Variants in EPC1 observed in about 807,000 individuals in gnomAD.
EPC1 encodes enhancer of polycomb 1, also known as enhancer of polycomb homolog 1.
A neutral mutation model predicts 98.4 loss-of-function variants in EPC1; 12 were observed. That is an observed-to-expected ratio of 0.12 (90% CI 0.08 to 0.20). The LOEUF (loss-of-function observed/expected upper bound fraction) is 0.20. EPC1 is among the 10% of genes least tolerant of loss of function. The pLI is 1.00. For missense variants in EPC1, 729 were observed against 990.5 expected (o/e 0.74, Z 3.54); for synonymous variants, 357 against 363.9 (o/e 0.98, Z 0.21).
chr10:32,273,426 A>G, intron 10 of EPC1, 145 bp from the exon 11 acceptor site: 1 of 1,076,160 alleles, frequency 9.3e-7, no homozygotes, highest in Non-Finnish European at 1.3e-6. Context: ...ATCACTTCCA[A>G]ATGAAAATTT....
chr10:32,344,626 A>T (rs1299691472), intron 1 of EPC1, among the ~76,000 whole-genome samples: 6 of 152,152 alleles, frequency 3.9e-5, no homozygotes, highest in African/African-American at 1.4e-4. Flanking sequence ...TCTCTGTTAA[A>T]AGTATAAAAA....
intron 1 of EPC1, among the ~76,000 whole-genome samples, chr10:32,354,473 C>T (rs951255446): frequency 2.1e-4 from 32 of 151,770 alleles, no homozygotes; most frequent in African/African-American, 7.3e-4. Flanking sequence ...AAAGAAAATG[C>T]GTGATTTAAA....
rs369024028 is a variant in EPC1, at chr10:32,323,198, A to C, written c.154-17267T>G. The stretch of plus-strand genomic sequence containing the variant: ...TTCACTTCAGACTAAAACTAAAAAT[A>C]ATCTTACAGGTTTTTCTTCCTTTTC... On this transcript the variant is annotated intron_variant, in intron 1 of 13. Coordinates refer to ENST00000319778, the MANE Select transcript of EPC1 (RefSeq NM_001272004.3). Among the ~76,000 whole-genome samples the C allele has an allele frequency of 5.1e-4, 77 of 152,296 alleles. 3 individuals are homozygous for C. The South Asian group carries it at 0.01, about 21-fold the overall frequency.
intron 1 of EPC1, among the ~76,000 whole-genome samples, chr10:32,339,571 A>C (rs1239576646): frequency 6.6e-6 from 1 of 152,142 alleles, no homozygotes; most frequent in African/African-American, 2.4e-5. Context: ...TAACAACCTA[A>C]GTTAAAATAC....
At chr10:32,353,628 A>G (rs1314061719) in intron 1 of EPC1, among the ~76,000 whole-genome samples, 2 of 152,256 alleles carry the variant, frequency 1.3e-5, no homozygotes, top group East Asian at 3.8e-4. Context: ...ATAATAAACA[A>G]GATATGGTCT....
intron 1 of EPC1, among the ~76,000 whole-genome samples, chr10:32,342,826 C>A (rs1312814098): frequency 6.6e-6 from 1 of 152,070 alleles, no homozygotes; most frequent in East Asian, 1.9e-4. Flanking sequence ...ATTTTAAAAT[C>A]GACTTTTTAA....
At chr10:32,377,322 C>G (rs1242719799) in intron 1 of EPC1, 1 of 152,088 alleles carries the variant, frequency 6.6e-6, no homozygotes, top group African/African-American at 2.4e-5. Flanking sequence ...TCCCTAGGTT[C>G]AAAATGAAAT....
intron 2 of EPC1, among the ~76,000 whole-genome samples, chr10:32,305,111 C>A (rs74128037): frequency 0.02 from 3,040 of 152,258 alleles, 107 homozygotes; most frequent in African/African-American, 0.07. Flanking sequence ...ATCAAACGAT[C>A]ACTGCTTATG....
upstream of EPC1, among the ~76,000 whole-genome samples, chr10:32,350,632 T>G (rs1839085018): frequency 2.0e-5 from 3 of 152,154 alleles, no homozygotes; most frequent in Admixed American, 1.3e-4. Context: ...TGGTAAGAAC[T>G]TGGGTGGATG....
chr10:32,351,064 C>CTCTT (rs146885797), upstream of EPC1, among the ~76,000 whole-genome samples: 712 of 152,286 alleles, frequency 4.7e-3, 7 homozygotes, highest in Middle Eastern at 0.017. Context: ...TGTGCTGGTA[C>CTCTT]TCTTCTGTTG....
chr10:32,365,034 GA>G (rs1839559502), intron 1 of EPC1, among the ~76,000 whole-genome samples: 1 of 151,672 alleles, frequency 6.6e-6, no homozygotes, highest in Non-Finnish European at 1.5e-5. Flanking sequence ...ACATAGTAAA[GA>G]AAGCACTAAG....
chr10:32,299,446 A>C (rs1592566640), intron 2 of EPC1, among the ~76,000 whole-genome samples: 1 of 152,084 alleles, frequency 6.6e-6, no homozygotes, highest in East Asian at 1.9e-4. Flanking sequence ...TTGGCCTCCC[A>C]AAGTGCTGGG....
At chr10:32,298,180 G>A (rs1456966645) in intron 2 of EPC1, among the ~76,000 whole-genome samples, 3 of 152,104 alleles carry the variant, frequency 2.0e-5, no homozygotes, top group Non-Finnish European at 4.4e-5. Context: ...TATGGGGTGG[G>A]AAGTATTTGA....
intron 2 of EPC1, among the ~76,000 whole-genome samples, chr10:32,298,207 C>G (rs1430972682): frequency 6.6e-6 from 1 of 152,066 alleles, no homozygotes; most frequent in Non-Finnish European, 1.5e-5. Context: ...TGCCTTAGAT[C>G]TAAGACAAAG....
chr10:32,269,361 A>G (rs900383645), intron 13 of EPC1: 1 of 408,890 alleles, frequency 2.4e-6, no homozygotes, highest in African/African-American at 2.1e-5. Context: ...CATCAAAATT[A>G]TAGTAGTACT....
chr10:32,357,299 G>T (rs1449857442), intron 1 of EPC1, among the ~76,000 whole-genome samples: 1 of 152,186 alleles, frequency 6.6e-6, no homozygotes, highest in Non-Finnish European at 1.5e-5. Context: ...TTCTGAATTT[G>T]GTTTCCCAAA....
At chr10:32,276,068 C>T (rs777866985) in intron 10 of EPC1, among the ~76,000 whole-genome samples, 7 of 152,140 alleles carry the variant, frequency 4.6e-5, no homozygotes, top group Admixed American at 3.9e-4. Context: ...AGGAGAAATG[C>T]ACAGAGCAAC....
chr10:32,341,331 C>CTGTGTGTGTG (rs150858943), intron 1 of EPC1, among the ~76,000 whole-genome samples: 82,796 of 151,066 alleles, frequency 0.55, 25,393 homozygotes, highest in East Asian at 0.71. Flanking sequence ...GTGTGTGTGT[C>CTGTGTGTGTG]TGTGTGTGTG....
At chr10:32,333,450 ATATACAGCAAAAAATG>A (rs1837762262) in intron 1 of EPC1, among the ~76,000 whole-genome samples, 1 of 152,250 alleles carries the variant, frequency 6.6e-6, no homozygotes, top group Admixed American at 6.5e-5. Flanking sequence ...TGTTTCTGCT[ATATACAGCAAAAAATG>A]AGAAGATATA....
Sources: allele counts gnomAD v4.1 joint callset (sites outside exome capture counted in the v4.1 genomes callset), GRCh38; gene constraint gnomAD v4.1.1; transcripts MANE v1.5; gene names NCBI Gene and HGNC (gene_info 2026-07-23, HGNC 2026-07-21).